DSCAM: variants seen among roughly 807,000 people sequenced by gnomAD.
The protein encoded by DSCAM is DS cell adhesion molecule.
A neutral mutation model predicts 217.7 loss-of-function variants in DSCAM; 47 were observed. The observed-to-expected ratio is 0.22, with a 90% CI of 0.17 to 0.28. The LOEUF is 0.28. Ranked by LOEUF, DSCAM falls within the 10% of genes least tolerant of loss-of-function variation. The probability of loss-of-function intolerance (pLI) is 1.00; values close to 1 mark genes in which losing one functional copy is unlikely to be tolerated. For synonymous variants in DSCAM, 1,056 were observed against 1,015.3 expected, an observed-to-expected ratio of 1.04 and a Z score of -0.76; for missense variants, 2,080 against 2,618.3, an observed-to-expected ratio of 0.79 and a Z score of 4.49.
rs1476524735 is a variant in DSCAM at position 40,823,444 on chromosome 21, G to A, written c.43+23175C>T. On this transcript the variant is annotated intron_variant, in intron 1 of 32. Transcript: ENST00000400454. ...GTTTAAGGCTTTCAAAACTCACAACGTGGAACACATTTTTAAACTTAAAAT... is the reference window on the plus strand; with the variant it reads ...GTTTAAGGCTTTCAAAACTCACAACATGGAACACATTTTTAAACTTAAAAT... Among the ~76,000 whole-genome samples, 9 of 152,260 alleles carry A rather than the reference G, an allele frequency of 5.9e-5. No homozygotes were observed. In the South Asian group the frequency reaches 1.0e-3, roughly 18 times the overall value.
At chr21:40,164,199 T>C (rs919622105) in intron 16 of DSCAM, among the ~76,000 whole-genome samples, 15 of 152,180 alleles carry the variant, frequency 9.9e-5, no homozygotes, top group Admixed American at 8.5e-4. Context: ...GGTGAAACTC[T>C]AATTGCACTC....
At chr21:40,705,869 A>C (rs11910405) in intron 2 of DSCAM, among the ~76,000 whole-genome samples, 35,540 of 152,136 alleles carry the variant, frequency 0.23, 4,959 homozygotes, top group African/African-American at 0.39. Context: ...GGCCACAAGC[A>C]AAAGTCCTAG....
chr21:40,813,747 A>G (rs1429106127), intron 1 of DSCAM, among the ~76,000 whole-genome samples: 3 of 149,988 alleles, frequency 2.0e-5, no homozygotes, highest in Non-Finnish European at 3.0e-5. Context: ...TCCCCAGTTC[A>G]AGCAATTCTC....
intron 3 of DSCAM, among the ~76,000 whole-genome samples, chr21:40,465,102 C>G (rs2075833856): frequency 6.6e-6 from 1 of 152,094 alleles, no homozygotes; most frequent in Admixed American, 6.6e-5. Context: ...TTAAAAGTGG[C>G]TCGTCTTTGC....
intron 11 of DSCAM, among the ~76,000 whole-genome samples, chr21:40,206,166 T>C (rs776577726): frequency 4.6e-5 from 7 of 152,190 alleles, no homozygotes; most frequent in Non-Finnish European, 1.0e-4. Flanking sequence ...AAAGAGACCT[T>C]TGAACACCCG....
intron 8 of DSCAM, among the ~76,000 whole-genome samples, chr21:40,332,315 T>C (rs1486240011): frequency 2.0e-5 from 3 of 152,278 alleles, no homozygotes; most frequent in East Asian, 1.9e-4. Context: ...ACGGGTTGTG[T>C]TGGAATCAAA....
chr21:40,784,906 C>A (rs2091579801), intron 1 of DSCAM, among the ~76,000 whole-genome samples: 1 of 152,124 alleles, frequency 6.6e-6, no homozygotes, highest in Non-Finnish European at 1.5e-5. Context: ...TATAGTAGCC[C>A]AAGTGAACTG....
chr21:40,842,167 G>A (rs1282288940), intron 1 of DSCAM, among the ~76,000 whole-genome samples: 1 of 152,166 alleles, frequency 6.6e-6, no homozygotes, highest in Non-Finnish European at 1.5e-5. Flanking sequence ...CAATCGGCCT[G>A]CAGGTAGCAC....
chr21:40,342,252 A>G (rs1345258526), intron 6 of DSCAM, among the ~76,000 whole-genome samples: 2 of 151,328 alleles, frequency 1.3e-5, no homozygotes, highest in East Asian at 1.9e-4. Flanking sequence ...TAAGATTCCT[A>G]TAGAGATTAT....
In DSCAM at chr21:40,834,426, A is replaced by AAATAAT. The variant is rs57612141; in HGVS notation, c.43+12187_43+12192dup. On this transcript the variant is annotated intron_variant, in intron 1 of 32. Coordinates refer to ENST00000400454, the MANE Select transcript of DSCAM (RefSeq NM_001389.5). ...TGTCTCCAAAATAATAATAATAATAAAATAATAATAATAATAATAATAATA... is the reference window on the plus strand; with the variant it reads ...TGTCTCCAAAATAATAATAATAATAAAATAATAATAATAATAATAATAATAATAATA... Among the ~76,000 whole-genome samples the AAATAAT allele has an allele frequency of 7.5e-3, 1,065 of 141,484 alleles. 5 individuals are homozygous for AAATAAT. Among genetic ancestry groups the AAATAAT allele is most frequent in the East Asian group, 0.011 (52 of 4,802 alleles). The allele number at this position is 141,484 out of a possible 152,430, so 92.8% of individuals were successfully genotyped here.
intron 19 of DSCAM, among the ~76,000 whole-genome samples, chr21:40,133,643 A>G (rs1436168418): frequency 6.6e-6 from 1 of 152,206 alleles, no homozygotes; most frequent in East Asian, 1.9e-4. Context: ...AAAGAAGAAA[A>G]AATATAGAGG....
chr21:40,544,577 A>G (rs2076566849), intron 3 of DSCAM, among the ~76,000 whole-genome samples: 1 of 152,206 alleles, frequency 6.6e-6, no homozygotes, highest in African/African-American at 2.4e-5. Flanking sequence ...GGAATGCTGA[A>G]GAATGCCTGG....
chr21:40,771,671 G>C (rs1379297155), intron 1 of DSCAM, among the ~76,000 whole-genome samples: 4 of 152,214 alleles, frequency 2.6e-5, no homozygotes, highest in Admixed American at 1.3e-4. Context: ...GCGAAAGGAA[G>C]TATGAAGATA....
intron 9 of DSCAM, among the ~76,000 whole-genome samples, chr21:40,303,688 G>A (rs2074040629): frequency 1.3e-5 from 2 of 152,018 alleles, no homozygotes; most frequent in Admixed American, 1.3e-4. Flanking sequence ...GTGTAAGAAT[G>A]AATGAATGAA....
chr21:40,511,907 C>T (rs1230365696), intron 3 of DSCAM, among the ~76,000 whole-genome samples: 2 of 143,384 alleles, frequency 1.4e-5, no homozygotes, highest in Non-Finnish European at 3.0e-5. Flanking sequence ...AGGAGAATGG[C>T]GCGAATCCGG....
At chr21:40,315,510 A>T (rs893560383) in intron 8 of DSCAM, among the ~76,000 whole-genome samples, 1 of 152,218 alleles carries the variant, frequency 6.6e-6, no homozygotes, top group African/African-American at 2.4e-5. Flanking sequence ...ATATATGCAC[A>T]TACAAATTTT....
intron 3 of DSCAM, among the ~76,000 whole-genome samples, chr21:40,407,457 T>A (rs1306919060): frequency 6.6e-6 from 1 of 152,152 alleles, no homozygotes; most frequent in Admixed American, 6.5e-5. Context: ...CTTTGACCAA[T>A]AGAAAGCAAT....
chr21:40,327,809 T>C (rs1248087492), intron 8 of DSCAM, among the ~76,000 whole-genome samples: 1 of 152,116 alleles, frequency 6.6e-6, no homozygotes, highest in African/African-American at 2.4e-5. Context: ...AATCATATGA[T>C]AAAGCTACAA....
intron 16 of DSCAM, among the ~76,000 whole-genome samples, chr21:40,152,586 A>G (rs1415555062): frequency 6.6e-6 from 1 of 152,134 alleles, no homozygotes; most frequent in African/African-American, 2.4e-5. Flanking sequence ...TCCAGCTTCC[A>G]AATCCCTCCC....
Sources: allele counts gnomAD v4.1 joint callset (sites outside exome capture counted in the v4.1 genomes callset), GRCh38; gene constraint gnomAD v4.1.1; transcripts MANE v1.5; gene names NCBI Gene and HGNC (gene_info 2026-07-23, HGNC 2026-07-21).